The following CACNA2D3 variants were observed in gnomAD, a reference collection of about 807,000 sequenced individuals.
CACNA2D3 encodes the protein calcium voltage-gated channel auxiliary subunit alpha2delta 3.
CACNA2D3 carries 60 observed loss-of-function variants against 160.6 expected under a neutral mutation model. That is an observed-to-expected ratio of 0.37 (90% CI 0.30 to 0.46). CACNA2D3 has a LOEUF of 0.46. Ranked by LOEUF, CACNA2D3 falls within the 20% of genes least tolerant of loss-of-function variation. The pLI, the probability that CACNA2D3 is intolerant of heterozygous loss-of-function variation, is 1.00. For missense variants in CACNA2D3, 1,205 were observed against 1,365.0 expected, an observed-to-expected ratio of 0.88 and a Z score of 1.85; for synonymous variants, 558 against 492.9, an observed-to-expected ratio of 1.13 and a Z score of -1.75.
intron 25 of CACNA2D3, among the ~76,000 whole-genome samples, chr3:54,895,169 A>G (rs1047623260): frequency 1.3e-5 from 2 of 152,226 alleles, no homozygotes; most frequent in African/African-American, 4.8e-5. Context: ...GAAGACGGCC[A>G]TAGAAAGGAA....
chr3:54,623,275 C>A (rs1488401612), intron 9 of CACNA2D3, among the ~76,000 whole-genome samples: 1 of 152,158 alleles, frequency 6.6e-6, no homozygotes. Context: ...ACCTCCCGTG[C>A]GGTGGCAGGA....
chr3:54,516,695 A>G (rs1701556552), intron 5 of CACNA2D3, among the ~76,000 whole-genome samples: 1 of 152,182 alleles, frequency 6.6e-6, no homozygotes, highest in Non-Finnish European at 1.5e-5. Context: ...CCAGCGGTTG[A>G]GTCCACGCGA....
rs978117669 is a variant in CACNA2D3 at position 54,822,436 on chromosome 3, A to G, written c.1398+5566A>G. ...ATTTTGTTCTCTGCCATAGTTCTGT[A>G]TGAGTGTGTCTGTGGCAGCCCAGAC... On this transcript the variant is annotated intron_variant, in intron 14 of 37. Transcript: ENST00000474759. Among the ~76,000 whole-genome samples the G allele has an allele frequency of 3.3e-5, 5 of 152,324 alleles. No homozygotes were observed. The South Asian group carries it at 1.0e-3, about 32-fold the overall frequency.
At chr3:54,213,059 A>G (rs1445338378) in intron 2 of CACNA2D3, among the ~76,000 whole-genome samples, 1 of 152,154 alleles carries the variant, frequency 6.6e-6, no homozygotes, top group African/African-American at 2.4e-5. Context: ...CAAGGTCAGA[A>G]TCTCCACCAT....
intron 4 of CACNA2D3, among the ~76,000 whole-genome samples, chr3:54,459,239 C>T (rs2106836647): frequency 6.6e-6 from 1 of 151,772 alleles, no homozygotes; most frequent in South Asian, 2.1e-4. Context: ...CATATGTGTG[C>T]ATGTGTCTTT....
intron 4 of CACNA2D3, among the ~76,000 whole-genome samples, chr3:54,480,463 G>A (rs1008504972): frequency 1.3e-5 from 2 of 151,944 alleles, no homozygotes; most frequent in Non-Finnish European, 2.9e-5. Flanking sequence ...TACTGTCTTG[G>A]GTCATCACCA....
At chr3:54,557,897 G>A (rs1359055837) in intron 5 of CACNA2D3, among the ~76,000 whole-genome samples, 1 of 152,134 alleles carries the variant, frequency 6.6e-6, no homozygotes, top group Admixed American at 6.5e-5. Flanking sequence ...CCTTGAGATG[G>A]GATTCAGAAT....
chr3:54,892,339 A>G (rs1041162072), intron 25 of CACNA2D3, among the ~76,000 whole-genome samples: 1 of 151,950 alleles, frequency 6.6e-6, no homozygotes, highest in Admixed American at 6.6e-5. Flanking sequence ...GTAGCTGCCA[A>G]TTTGAGAGGG....
chr3:54,937,967 A>G (rs1248326955), intron 27 of CACNA2D3, among the ~76,000 whole-genome samples: 1 of 152,194 alleles, frequency 6.6e-6, no homozygotes, highest in Non-Finnish European at 1.5e-5. Context: ...ATCTGACCAT[A>G]ACCAGAGAAA....
chr3:54,464,178 C>T (rs926820084), intron 4 of CACNA2D3, among the ~76,000 whole-genome samples: 25 of 152,278 alleles, frequency 1.6e-4, no homozygotes, highest in African/African-American at 4.8e-4. Flanking sequence ...TCAGTCTGCC[C>T]CTACTGGGGG....
chr3:54,624,132 A>G (rs1310821728), intron 9 of CACNA2D3, among the ~76,000 whole-genome samples: 1 of 152,214 alleles, frequency 6.6e-6, no homozygotes, highest in African/African-American at 2.4e-5. Context: ...TCTGTCTAAC[A>G]TATGGACCAG....
intron 27 of CACNA2D3, among the ~76,000 whole-genome samples, chr3:54,958,967 G>A (rs149929809): frequency 2.6e-3 from 401 of 152,144 alleles, no homozygotes; most frequent in East Asian, 0.015. Flanking sequence ...GAGGCATGGT[G>A]GCACATGCCT....
intron 26 of CACNA2D3, among the ~76,000 whole-genome samples, chr3:54,897,898 T>C (rs1559621630): frequency 2.0e-5 from 3 of 152,322 alleles, no homozygotes; most frequent in South Asian, 2.1e-4. Flanking sequence ...CTGAATGTTA[T>C]TGATGAGATT....
chr3:54,384,483 G>C (rs1334381999), intron 3 of CACNA2D3, among the ~76,000 whole-genome samples: 4 of 152,090 alleles, frequency 2.6e-5, no homozygotes, highest in Admixed American at 6.6e-5. Flanking sequence ...CATCTGTCAG[G>C]ATCCACAGTG....
chr3:54,824,236 A>G (rs1341115313), intron 14 of CACNA2D3, among the ~76,000 whole-genome samples: 1 of 152,228 alleles, frequency 6.6e-6, no homozygotes, highest in East Asian at 1.9e-4. Context: ...CTTTAATCAA[A>G]GACTCAGTCC....
At chr3:54,706,967 C>A (rs1378519899) in intron 11 of CACNA2D3, among the ~76,000 whole-genome samples, 1 of 152,206 alleles carries the variant, frequency 6.6e-6, no homozygotes, top group East Asian at 1.9e-4. Flanking sequence ...TATGAAGCAG[C>A]CAACCATCCA....
At chr3:55,022,584 TTCCTTTTTTCCTTCTTTC>T (rs1215309349) in intron 35 of CACNA2D3, among the ~76,000 whole-genome samples, 10 of 145,720 alleles carry the variant, frequency 6.9e-5, no homozygotes, top group African/African-American at 2.5e-4. Context: ...CCTTCCTTCC[TTCCTTTTTTCCTTCTTTC>T]TTTCCTTCCC....
At chr3:54,896,500 A>G (rs1266636193) in intron 25 of CACNA2D3, among the ~76,000 whole-genome samples, 1 of 152,202 alleles carries the variant, frequency 6.6e-6, no homozygotes, top group Admixed American at 6.5e-5. Context: ...CTTTAAGACA[A>G]TTAGTTCACT....
intron 2 of CACNA2D3, among the ~76,000 whole-genome samples, chr3:54,317,740 T>G (rs1703898036): frequency 1.3e-5 from 2 of 152,202 alleles, no homozygotes; most frequent in South Asian, 4.1e-4. Context: ...GGTTTCACCA[T>G]GTTGGCCAGG....
Sources: gnomAD v4.1 joint callset for allele counts (sites outside exome capture counted in the v4.1 genomes callset) on GRCh38, gnomAD v4.1.1 for gene constraint, MANE v1.5 for transcripts, NCBI Gene and HGNC (gene_info 2026-07-23, HGNC 2026-07-21) for gene names.